Variants in CA8 observed in about 807,000 individuals in gnomAD.
The protein encoded by CA8 is carbonic anhydrase-related protein.
Under a neutral mutation model 41.4 loss-of-function variants are expected in CA8, and 22 were observed. That is an observed-to-expected ratio of 0.53 (90% CI 0.38 to 0.76). CA8 has a LOEUF of 0.76. CA8 is among the 30% of genes least tolerant of loss of function. The pLI, the probability that CA8 is intolerant of heterozygous loss-of-function variation, is 0.00. For synonymous variants in CA8, 121 were observed against 130.6 expected (o/e 0.93, Z 0.50); for missense variants, 270 against 352.8 (o/e 0.77, Z 1.88).
rs192698478 is a variant in CA8, at chr8:60,188,488, G to A, written c.*1533C>T. 7.5e-4 allele frequency: 114 copies of A among 152,292 alleles called. No homozygotes were observed. Among genetic ancestry groups the A allele is most frequent in the African/African-American group, 2.4e-3 (99 of 41,568 alleles). The allele number at this position is 152,292 out of a possible 1,614,324, so 9.4% of individuals were successfully genotyped here. On this transcript the variant is annotated 3_prime_UTR_variant, in exon 9 of 9. Coordinates refer to ENST00000317995, the MANE Select transcript of CA8 (RefSeq NM_004056.6). Reference sequence around the variant, plus strand: ...TAATTACAAATAAGGCTGCACGTGTGCAGCCAATGTTTGGCATGTGAGTGG... The same window carrying A: ...TAATTACAAATAAGGCTGCACGTGTACAGCCAATGTTTGGCATGTGAGTGG...
At chr8:60,209,967 A>C (rs1460641156) in intron 7 of CA8, among the ~76,000 whole-genome samples, 8 of 152,216 alleles carry the variant, frequency 5.3e-5, no homozygotes, top group Admixed American at 2.6e-4. Context: ...AAAAGTGATG[A>C]GCATTCCCCA....
intron 3 of CA8, among the ~76,000 whole-genome samples, chr8:60,262,668 A>T (rs1390532181): frequency 6.6e-6 from 1 of 152,238 alleles, no homozygotes; most frequent in Admixed American, 6.5e-5. Flanking sequence ...TGGGCAACAT[A>T]GTGAGACCCT....
intron 7 of CA8, among the ~76,000 whole-genome samples, chr8:60,220,080 C>T (rs1032312606): frequency 1.3e-5 from 2 of 152,044 alleles, no homozygotes; most frequent in African/African-American, 4.8e-5. Flanking sequence ...CAACATTCTA[C>T]GGAAACATCT....
chr8:60,190,957 T>TATATATATATATACACACAC (rs1554573722), intron 8 of CA8, among the ~76,000 whole-genome samples: 14 of 104,242 alleles, frequency 1.3e-4, no homozygotes, highest in African/African-American at 3.4e-4. Context: ...TATATATATA[T>TATATATATATATACACACAC]ACACACACAC....
chr8:60,204,205 T>C (rs1806512107), intron 8 of CA8, among the ~76,000 whole-genome samples: 2 of 152,234 alleles, frequency 1.3e-5, no homozygotes, highest in African/African-American at 2.4e-5. Context: ...CTTTTGAGTA[T>C]ACATGAGGTA....
chr8:60,266,101 T>C, intron 2 of CA8, 52 bp from the exon 3 acceptor site: 5 of 1,565,106 alleles, frequency 3.2e-6, no homozygotes, highest in Non-Finnish European at 3.4e-6. Context: ...TACCTCAGCA[T>C]TATAAACATT....
intron 3 of CA8, among the ~76,000 whole-genome samples, chr8:60,238,353 A>G (rs545054971): frequency 1.5e-4 from 23 of 152,358 alleles, no homozygotes; most frequent in Non-Finnish European, 3.4e-4. Context: ...TGAAAAGGCA[A>G]TTATGACTCA....
intron 3 of CA8, among the ~76,000 whole-genome samples, chr8:60,233,167 C>T (rs539811303): frequency 7.9e-5 from 12 of 152,310 alleles, no homozygotes; most frequent in African/African-American, 2.9e-4. Context: ...GGTAGGTAAA[C>T]CTTCTGCCTA....
rs1487303903 is a variant in CA8, at chr8:60,189,342, CAAAT to C, written c.*675_*678del. 1 of 152,094 alleles carries C rather than the reference CAAAT, an allele frequency of 6.6e-6. No homozygotes were observed. The highest frequency in any genetic ancestry group is 1.9e-4 in the East Asian group (1 of 5,202). 9.4% of individuals were successfully genotyped at this position (152,094 alleles called of 1,614,324 possible). A position where few individuals can be genotyped will look rare whatever the true frequency, so the allele number is the denominator to read the frequency against. ...TATTAAACCACAGCTTCGAATATGT[CAAAT>C]AAATAAATTTGATCCATACATTCAG... On this transcript the variant is annotated 3_prime_UTR_variant, in exon 9 of 9. Coordinates refer to ENST00000317995, the MANE Select transcript of CA8 (RefSeq NM_004056.6).
intron 8 of CA8, among the ~76,000 whole-genome samples, chr8:60,206,083 G>A (rs1343619133): frequency 2.0e-5 from 3 of 152,090 alleles, no homozygotes; most frequent in African/African-American, 7.2e-5. Context: ...CACATTTCAA[G>A]ATAAAAGTAT....
At position 60,280,835 on chromosome 8, in the gene CA8, G is replaced by A. The variant is rs535886092; in HGVS notation, c.100+213C>T. On this transcript the variant is annotated intron_variant, in intron 1 of 8. Coordinates refer to ENST00000317995, the MANE Select transcript of CA8 (RefSeq NM_004056.6). The stretch of plus-strand genomic sequence containing the variant: ...GGAAGGCTCCCGGGTGAGAGCGCAG[G>A]CGGCGGAAGAGCGCAGGCGGCGAGC... Among the ~76,000 whole-genome samples the A allele has an allele frequency of 4.6e-5, 7 of 152,338 alleles. No homozygotes were observed. In the East Asian group the frequency reaches 1.4e-3, roughly 29 times the overall value.
intron 8 of CA8, among the ~76,000 whole-genome samples, chr8:60,198,370 T>C (rs917678779): frequency 6.6e-6 from 1 of 152,082 alleles, no homozygotes. Context: ...CTAATATGTG[T>C]AACTTAGAAT....
intron 8 of CA8, among the ~76,000 whole-genome samples, chr8:60,206,357 G>T (rs1203547601): frequency 6.6e-6 from 1 of 152,066 alleles, no homozygotes; most frequent in Admixed American, 6.5e-5. Flanking sequence ...GTGTGTGCGC[G>T]TGTGTGTGTA....
At chr8:60,220,762 T>G (rs934885076) in intron 7 of CA8, among the ~76,000 whole-genome samples, 4 of 152,110 alleles carry the variant, frequency 2.6e-5, no homozygotes, top group Non-Finnish European at 5.9e-5. Flanking sequence ...GAAGCTAGAA[T>G]GCACTTCCCA....
intron 3 of CA8, among the ~76,000 whole-genome samples, chr8:60,244,289 G>C (rs969258948): frequency 6.6e-6 from 1 of 152,108 alleles, no homozygotes; most frequent in Non-Finnish European, 1.5e-5. Context: ...TCTCTTAACT[G>C]TCTCCATGCC....
chr8:60,245,286 A>T (rs936795663), intron 3 of CA8, among the ~76,000 whole-genome samples: 1 of 152,182 alleles, frequency 6.6e-6, no homozygotes, highest in Non-Finnish European at 1.5e-5. Flanking sequence ...CAAAAAAAAA[A>T]ATTATCTTAA....
At chr8:60,214,237 C>T (rs1441669676) in intron 7 of CA8, among the ~76,000 whole-genome samples, 1 of 152,214 alleles carries the variant, frequency 6.6e-6, no homozygotes, top group Non-Finnish European at 1.5e-5. Context: ...GGGCATTATT[C>T]ATTCGTCCTC....
At chr8:60,206,750 T>C (rs1283135082) in intron 8 of CA8, among the ~76,000 whole-genome samples, 2 of 152,002 alleles carry the variant, frequency 1.3e-5, no homozygotes, top group East Asian at 3.9e-4. Flanking sequence ...TCCTTCCCAT[T>C]GCAGCACAGA....
At chr8:60,220,938 G>A (rs575920785) in intron 7 of CA8, among the ~76,000 whole-genome samples, 105 of 152,290 alleles carry the variant, frequency 6.9e-4, no homozygotes, top group African/African-American at 2.5e-3. Flanking sequence ...GAAGATGGAA[G>A]TGTTTCTTTC....
Sources: allele counts gnomAD v4.1 joint callset (sites outside exome capture counted in the v4.1 genomes callset), GRCh38; gene constraint gnomAD v4.1.1; transcripts MANE v1.5; gene names NCBI Gene and HGNC (gene_info 2026-07-23, HGNC 2026-07-21).